ERC2: variants seen among roughly 807,000 people sequenced by gnomAD.
ERC2 encodes the protein ERC protein 2.
Under a neutral mutation model 114.8 loss-of-function variants are expected in ERC2, and 42 were observed. The ratio of observed to expected loss-of-function variants is 0.37; its 90% confidence interval spans 0.29 to 0.47. ERC2 has a LOEUF of 0.47. Among genes scored for constraint, ERC2 ranks in the 20% least tolerant of loss-of-function variants. The pLI is 0.99. For missense variants in ERC2, 939 were observed against 1,150.7 expected (o/e 0.82, Z 2.66); for synonymous variants, 454 against 425.5 (o/e 1.07, Z -0.82).
At chr3:55,823,571 G>T (rs986905288) in intron 14 of ERC2, among the ~76,000 whole-genome samples, 1 of 152,174 alleles carries the variant, frequency 6.6e-6, no homozygotes, top group Non-Finnish European at 1.5e-5. Flanking sequence ...CTTTGAGAGG[G>T]ACGGAGAAGG....
chr3:55,592,231 A>C (rs1416869833), intron 17 of ERC2, among the ~76,000 whole-genome samples: 1 of 152,244 alleles, frequency 6.6e-6, no homozygotes, highest in Non-Finnish European at 1.5e-5. Context: ...CGCTGTGGGC[A>C]TATCCCCGTA....
chr3:55,551,164 A>G (rs1469682394), intron 17 of ERC2, among the ~76,000 whole-genome samples: 1 of 152,204 alleles, frequency 6.6e-6, no homozygotes, highest in African/African-American at 2.4e-5. Context: ...ATATATATAC[A>G]CATGAATATA....
chr3:55,509,767 G>A lies in ERC2; in HGVS notation c.*1549C>T, dbSNP rs1368060072. On this transcript the variant is annotated 3_prime_UTR_variant, in exon 18 of 18. Transcript: ENST00000288221. ...CAACATTTTAAAAAGTAATAATAAT[G>A]ACTAAATTCAATGCAAGACTTCAGG... 1 of 152,548 alleles carries A rather than the reference G, an allele frequency of 6.6e-6. No individual in the cohort carries two copies. Among genetic ancestry groups the A allele is most frequent in the African/African-American group, 2.4e-5 (1 of 41,428 alleles). The allele number at this position is 152,548 out of a possible 1,614,324, so 9.4% of individuals were successfully genotyped here.
intron 2 of ERC2, among the ~76,000 whole-genome samples, chr3:56,313,965 A>G (rs960226596): frequency 6.6e-6 from 1 of 152,326 alleles, no homozygotes; most frequent in South Asian, 2.1e-4. Context: ...AGGACTATAT[A>G]TAAGACTCAG....
At chr3:56,038,956 A>T (rs1477447589) in intron 7 of ERC2, among the ~76,000 whole-genome samples, 1 of 152,180 alleles carries the variant, frequency 6.6e-6, no homozygotes, top group African/African-American at 2.4e-5. Flanking sequence ...TTGGGAGAAC[A>T]TCAGGAAAAA....
chr3:56,301,154 C>G (rs1367874834), intron 2 of ERC2, among the ~76,000 whole-genome samples: 1 of 152,096 alleles, frequency 6.6e-6, no homozygotes, highest in Admixed American at 6.5e-5. Context: ...ATGGATGCTT[C>G]CAGGCTGTAC....
rs1229414490 is a variant in ERC2, at chr3:55,666,785, C to A, written c.*39+17009G>T. ...GAAGCTGAGAAATCCTGGCATAGAGCGTGTTCTCCAGAGGCAAACTGCCCA... is the reference window on the plus strand; with the variant it reads ...GAAGCTGAGAAATCCTGGCATAGAGAGTGTTCTCCAGAGGCAAACTGCCCA... On this transcript the variant is annotated intron_variant, in intron 17 of 17. Transcript: ENST00000288221. Among the ~76,000 whole-genome samples the A allele has an allele frequency of 5.9e-5, 9 of 152,188 alleles. No homozygotes were observed. The East Asian group carries it at 1.7e-3, about 29-fold the overall frequency.
At chr3:56,018,206 T>A (rs186217041) in intron 8 of ERC2, among the ~76,000 whole-genome samples, 71 of 152,332 alleles carry the variant, frequency 4.7e-4, no homozygotes, top group Non-Finnish European at 6.5e-4. Flanking sequence ...CTGAGGTGGC[T>A]ACTATTATTA....
At chr3:55,594,431 A>C (rs778817623) in intron 17 of ERC2, among the ~76,000 whole-genome samples, 3 of 150,658 alleles carry the variant, frequency 2.0e-5, no homozygotes, top group Non-Finnish European at 4.4e-5. Flanking sequence ...TAGTGGCTGA[A>C]AGTGCCCAAA....
chr3:55,982,314 T>C (rs1031713597), intron 12 of ERC2, among the ~76,000 whole-genome samples: 1 of 152,030 alleles, frequency 6.6e-6, no homozygotes, highest in African/African-American at 2.4e-5. Flanking sequence ...TCAAAATGGA[T>C]TGATTTAGGG....
At chr3:55,985,848 T>A in intron 12 of ERC2, 129 bp downstream of exon 12, 1 of 791,502 alleles carries the variant, frequency 1.3e-6, no homozygotes, top group Non-Finnish European at 2.1e-6. Context: ...AGGCATGGAA[T>A]GAAATGAGCG....
At chr3:56,326,941 C>T (rs2057387927) in intron 2 of ERC2, among the ~76,000 whole-genome samples, 1 of 152,198 alleles carries the variant, frequency 6.6e-6, no homozygotes, top group Non-Finnish European at 1.5e-5. Flanking sequence ...CAAACTAGGG[C>T]TACGTATGTC....
At chr3:55,575,087 CACTGCA>C (rs2056906690) in intron 17 of ERC2, among the ~76,000 whole-genome samples, 1 of 152,166 alleles carries the variant, frequency 6.6e-6, no homozygotes, top group Non-Finnish European at 1.5e-5. Flanking sequence ...GATCTTGGCT[CACTGCA>C]ACCTCCGCCC....
At chr3:56,458,801 G>T (rs2063180509) in intron 1 of ERC2, among the ~76,000 whole-genome samples, 1 of 152,078 alleles carries the variant, frequency 6.6e-6, no homozygotes, top group African/African-American at 2.4e-5. Flanking sequence ...TACATCACCA[G>T]AAGGAAAGAA....
At chr3:56,397,256 A>G (rs1216450114) in intron 2 of ERC2, among the ~76,000 whole-genome samples, 1 of 152,060 alleles carries the variant, frequency 6.6e-6, no homozygotes, top group African/African-American at 2.4e-5. Flanking sequence ...GGCTGAGGCA[A>G]GAGAATCAGT....
intron 2 of ERC2, among the ~76,000 whole-genome samples, chr3:56,328,443 A>G (rs892879933): frequency 6.6e-6 from 1 of 152,228 alleles, no homozygotes; most frequent in Non-Finnish European, 1.5e-5. Context: ...AAATGTGTAT[A>G]TATGTGTGAG....
intron 3 of ERC2, among the ~76,000 whole-genome samples, chr3:56,287,946 G>A (rs1410832226): frequency 6.6e-6 from 1 of 152,174 alleles, no homozygotes; most frequent in Non-Finnish European, 1.5e-5. Flanking sequence ...CCCAGTAAAT[G>A]TTACATGTCA....
intron 2 of ERC2, among the ~76,000 whole-genome samples, chr3:56,310,253 G>T (rs1420612813): frequency 6.6e-6 from 1 of 152,178 alleles, no homozygotes; most frequent in Non-Finnish European, 1.5e-5. Context: ...GTGTTGAGAA[G>T]CTACCCCAAA....
intron 2 of ERC2, among the ~76,000 whole-genome samples, chr3:56,369,280 T>C (rs567953609): frequency 6.6e-6 from 1 of 152,340 alleles, no homozygotes; most frequent in Admixed American, 6.5e-5. Flanking sequence ...CCTTTGATCT[T>C]ACTGATTTCT....
Sources: gnomAD v4.1 joint callset for allele counts (sites outside exome capture counted in the v4.1 genomes callset) on GRCh38, gnomAD v4.1.1 for gene constraint, MANE v1.5 for transcripts, NCBI Gene and HGNC (gene_info 2026-07-23, HGNC 2026-07-21) for gene names.